HFM1: variants seen among roughly 807,000 people sequenced by gnomAD.
HFM1 encodes the protein probable ATP-dependent DNA helicase HFM1.
Under a neutral mutation model 192.1 loss-of-function variants are expected in HFM1, and 169 were observed. That is an observed-to-expected ratio of 0.88 (90% CI 0.78 to 1.00). The LOEUF (loss-of-function observed/expected upper bound fraction) is 1.00. Ranked by LOEUF, HFM1 falls within the 50% of genes least tolerant of loss-of-function variation. HFM1 has a pLI of 0.00. For synonymous variants in HFM1, 525 were observed against 537.8 expected (o/e 0.98, Z 0.33); for missense variants, 1,661 against 1,668.0 (o/e 1.00, Z 0.07).
intron 36 of HFM1, among the ~76,000 whole-genome samples, chr1:91,265,398 TCA>T (rs1665662716): frequency 6.6e-6 from 1 of 152,204 alleles, no homozygotes; most frequent in African/African-American, 2.4e-5. Flanking sequence ...AACACTAGAC[TCA>T]CATTGCCTGC....
chr1:91,294,909 T>A (rs960491388), intron 30 of HFM1, among the ~76,000 whole-genome samples: 24 of 152,230 alleles, frequency 1.6e-4, no homozygotes, highest in African/African-American at 4.3e-4. Flanking sequence ...GGAATTACTC[T>A]ATCATAGAAT....
chr1:91,327,458 T>C (rs1653085164), intron 20 of HFM1, among the ~76,000 whole-genome samples: 1 of 152,114 alleles, frequency 6.6e-6, no homozygotes, highest in Admixed American at 6.5e-5. Flanking sequence ...GTGGAGGTTA[T>C]AGTGAGGAGC....
intron 13 of HFM1, among the ~76,000 whole-genome samples, chr1:91,366,969 C>A (rs186492717): frequency 2.7e-4 from 41 of 152,354 alleles, no homozygotes; most frequent in African/African-American, 6.5e-4. Context: ...TATCCTGCGC[C>A]TGGCTTGGAG....
chr1:91,401,097 C>G lies in HFM1; in HGVS notation c.-15G>C. 6.8e-7 allele frequency: 1 copy of G among 1,471,990 alleles called. No individual in the cohort carries two copies. The highest frequency in any genetic ancestry group is 9.2e-7 in the Non-Finnish European group (1 of 1,085,094). The allele number at this position is 1,471,990 out of a possible 1,614,324, so 91.2% of individuals were successfully genotyped here. A position where few individuals can be genotyped will look rare whatever the true frequency, so the allele number is the denominator to read the frequency against. On this transcript the variant is annotated 5_prime_UTR_variant, in exon 2 of 39. Coordinates refer to ENST00000370425, the MANE Select transcript of HFM1 (RefSeq NM_001017975.6). ...GATTTCAGCATTGTTGAAAACTGGA[C>G]TTTGTCATAAATCTACAAAATATGG...
intron 34 of HFM1, among the ~76,000 whole-genome samples, chr1:91,270,233 A>G (rs1436970369): frequency 6.6e-6 from 1 of 152,166 alleles, no homozygotes; most frequent in Admixed American, 6.6e-5. Context: ...GATGTGCAGG[A>G]GGCAAAATAA....
At chr1:91,269,766 C>T (rs1294988453) in intron 34 of HFM1, among the ~76,000 whole-genome samples, 1 of 152,106 alleles carries the variant, frequency 6.6e-6, no homozygotes, top group Non-Finnish European at 1.5e-5. Context: ...GGAATTTCAG[C>T]TTGATAGAGC....
At chr1:91,334,657 G>A (rs963553983) in intron 20 of HFM1, among the ~76,000 whole-genome samples, 9 of 152,058 alleles carry the variant, frequency 5.9e-5, no homozygotes, top group African/African-American at 1.2e-4. Context: ...TCGGCCGGGC[G>A]CATTGGCTCA....
chr1:91,381,729 A>G (rs282031), intron 6 of HFM1, among the ~76,000 whole-genome samples: 152,101 of 152,282 alleles, frequency 1, 75,960 homozygotes, highest in Non-Finnish European at 1. Flanking sequence ...GTGGGAAGCT[A>G]TAAATAAAGA....
At chr1:91,364,439 G>A (rs537312533) in intron 13 of HFM1, among the ~76,000 whole-genome samples, 2 of 150,992 alleles carry the variant, frequency 1.3e-5, no homozygotes, top group Non-Finnish European at 3.0e-5. Flanking sequence ...TCTTCTCTGG[G>A]TATATACCCA....
rs181354068 is a variant in HFM1 at position 91,277,539 on chromosome 1, T to G, written c.3392-477A>C. 6.0e-3 allele frequency among the ~76,000 whole-genome samples: 835 copies of G among 138,600 alleles called. 6 individuals are homozygous for G. The highest frequency in any genetic ancestry group is 0.054 in the Middle Eastern group (15 of 276). 90.9% of individuals were successfully genotyped at this position (138,600 alleles called of 152,430 possible). ...TGTGTGTGTGTGTGTATACTTTATA[T>G]ATATATAATATATATACTTTAAATA... On this transcript the variant is annotated intron_variant, in intron 30 of 38. Transcript: ENST00000370425.
At chr1:91,370,294 G>C (rs1438192231) in intron 13 of HFM1, among the ~76,000 whole-genome samples, 3 of 152,016 alleles carry the variant, frequency 2.0e-5, no homozygotes, top group African/African-American at 7.3e-5. Flanking sequence ...CAAAAAAAGA[G>C]AATTTTAGAC....
At position 91,375,518 on chromosome 1, in the gene HFM1, A is replaced by T; in HGVS notation, c.1596+9T>A. 2 of 1,612,034 alleles carry T rather than the reference A, an allele frequency of 1.2e-6. No homozygotes were observed. Among genetic ancestry groups the T allele is most frequent in the Non-Finnish European group, 1.7e-6 (2 of 1,178,364 alleles). ...ATATACTAAAAAATAAGCTATCAAC[A>T]ATCCATACCACAAGTGTGGGTTTCT... On this transcript the variant is annotated intron_variant, in intron 12 of 38. Transcript: ENST00000370425.
intron 13 of HFM1, among the ~76,000 whole-genome samples, chr1:91,371,664 T>C (rs1378169689): frequency 1.4e-5 from 2 of 141,188 alleles, no homozygotes; most frequent in Non-Finnish European, 3.0e-5. Flanking sequence ...GGCAATACCA[T>C]TCAGGACATA....
intron 6 of HFM1, among the ~76,000 whole-genome samples, chr1:91,383,499 C>A (rs1661800493): frequency 6.6e-6 from 1 of 152,102 alleles, no homozygotes; most frequent in Non-Finnish European, 1.5e-5. Flanking sequence ...CATTTTTAAT[C>A]AAATCAGCCA....
intron 19 of HFM1, among the ~76,000 whole-genome samples, chr1:91,345,478 C>T (rs1317199774): frequency 1.3e-5 from 2 of 151,962 alleles, no homozygotes; most frequent in East Asian, 1.9e-4. Context: ...CTAAGAGTGA[C>T]GGGGAAGCTA....
intron 14 of HFM1, 49 bp downstream of exon 14, chr1:91,353,207 C>CT (rs1250082734): frequency 2.6e-6 from 4 of 1,555,926 alleles, no homozygotes; most frequent in Middle Eastern, 3.4e-4. Flanking sequence ...TAATTGGCAC[C>CT]TTTCATCTAT....
chr1:91,339,883 A>G (rs2101615750), intron 20 of HFM1, among the ~76,000 whole-genome samples: 1 of 152,270 alleles, frequency 6.6e-6, no homozygotes, highest in Middle Eastern at 3.4e-3. Context: ...GGAAAGAAAA[A>G]ATATTCAGGG....
chr1:91,306,513 T>C (rs935043575), intron 30 of HFM1, among the ~76,000 whole-genome samples: 3 of 152,204 alleles, frequency 2.0e-5, no homozygotes, highest in Non-Finnish European at 2.9e-5. Flanking sequence ...TACTTTTGAA[T>C]GGTAAGCCTC....
chr1:91,267,620 T>C, intron 35 of HFM1, 125 bp downstream of exon 35: 4 of 548,788 alleles, frequency 7.3e-6, no homozygotes, highest in Non-Finnish European at 1.3e-5. Context: ...ATTATAATCT[T>C]AACAAACCAA....
Sources: allele counts gnomAD v4.1 joint callset (sites outside exome capture counted in the v4.1 genomes callset), GRCh38; gene constraint gnomAD v4.1.1; transcripts MANE v1.5; gene names NCBI Gene and HGNC (gene_info 2026-07-23, HGNC 2026-07-21).